The following BMPER variants were observed in gnomAD, a reference collection of about 807,000 sequenced individuals.
BMPER encodes the protein BMP-binding endothelial regulator protein.
In BMPER, 45 loss-of-function variants were observed where a neutral mutation model predicts 87.3. That is an observed-to-expected ratio of 0.52 (90% confidence interval 0.41 to 0.66). The LOEUF is 0.66. BMPER is among the 30% of genes least tolerant of loss of function. The pLI, the probability that BMPER is intolerant of heterozygous loss-of-function variation, is 0.00. For missense variants in BMPER, 784 were observed against 867.5 expected (o/e 0.90, Z 1.21); for synonymous variants, 326 against 316.2 (o/e 1.03, Z -0.33).
At chr7:34,000,838 G>A (rs1489199332) in intron 6 of BMPER, among the ~76,000 whole-genome samples, 2 of 151,992 alleles carry the variant, frequency 1.3e-5, no homozygotes, top group African/African-American at 2.4e-5. Context: ...TTTTGTAAAT[G>A]CCTTTATCAT....
chr7:34,114,558 A>G (rs1404255097), intron 13 of BMPER, among the ~76,000 whole-genome samples: 1 of 152,254 alleles, frequency 6.6e-6, no homozygotes, highest in Non-Finnish European at 1.5e-5. Flanking sequence ...TTTCATCACA[A>G]TTACAACTTA....
intron 13 of BMPER, among the ~76,000 whole-genome samples, chr7:34,122,715 G>C (rs945317841): frequency 6.6e-6 from 1 of 152,192 alleles, no homozygotes; most frequent in Non-Finnish European, 1.5e-5. Flanking sequence ...GTGAGTCAAA[G>C]GCTTTGAGAG....
intron 13 of BMPER, among the ~76,000 whole-genome samples, chr7:34,113,265 A>G (rs1018926710): frequency 3.9e-5 from 6 of 151,902 alleles, no homozygotes; most frequent in Admixed American, 3.3e-4. Flanking sequence ...GTATGCTGCA[A>G]TATTTTTCCC....
intron 3 of BMPER, among the ~76,000 whole-genome samples, chr7:33,961,106 G>A (rs1785260280): frequency 1.3e-5 from 2 of 152,178 alleles, no homozygotes; most frequent in African/African-American, 4.8e-5. Flanking sequence ...TAAGGGACCA[G>A]CATGTGCAAA....
chr7:34,080,635 T>C (rs544918216), intron 12 of BMPER, among the ~76,000 whole-genome samples: 1 of 152,320 alleles, frequency 6.6e-6, no homozygotes, highest in African/African-American at 2.4e-5. Flanking sequence ...GCAAAGTTTT[T>C]TGGCTCCCTG....
chr7:34,111,925 T>A (rs961613215), intron 13 of BMPER, among the ~76,000 whole-genome samples: 6 of 152,114 alleles, frequency 3.9e-5, no homozygotes, highest in African/African-American at 1.4e-4. Flanking sequence ...TTAGTCAGGC[T>A]GATCTCGAAC....
intron 9 of BMPER, among the ~76,000 whole-genome samples, chr7:34,056,576 GC>G (rs1788290547): frequency 6.7e-6 from 1 of 150,338 alleles, no homozygotes; most frequent in Non-Finnish European, 1.5e-5. Context: ...AGATGAAATA[GC>G]CTCACTCTCA....
intron 3 of BMPER, among the ~76,000 whole-genome samples, chr7:33,959,568 C>A (rs1785221552): frequency 6.6e-6 from 1 of 152,174 alleles, no homozygotes; most frequent in South Asian, 2.1e-4. Flanking sequence ...GCAATAGGCA[C>A]TCCCATATTT....
intron 11 of BMPER, among the ~76,000 whole-genome samples, chr7:34,071,480 C>G (rs1292558273): frequency 6.6e-6 from 1 of 152,184 alleles, no homozygotes; most frequent in East Asian, 1.9e-4. Flanking sequence ...ATAATATGCT[C>G]AATGACTGCC....
At position 34,026,717 on chromosome 7, in the gene BMPER, A is replaced by G. The variant is rs564547817; in HGVS notation, c.577-19589A>G. ...TTGATGACAGATGTGTTTTTAGAGA[A>G]AAAGTGCAAACTCCAGAGACATAAG... On this transcript the variant is annotated intron_variant, in intron 6 of 14. Transcript: ENST00000649409. 9.9e-5 allele frequency among the ~76,000 whole-genome samples: 15 copies of G among 152,228 alleles called. No homozygotes were observed. In the South Asian group the frequency reaches 2.7e-3, roughly 27 times the overall value.
chr7:33,953,725 C>G (rs1262163795), intron 3 of BMPER, among the ~76,000 whole-genome samples: 1 of 152,144 alleles, frequency 6.6e-6, no homozygotes, highest in Non-Finnish European at 1.5e-5. Context: ...GTTGAGCAAC[C>G]ATTACCACTA....
chr7:34,100,080 T>C (rs760393392), intron 13 of BMPER, among the ~76,000 whole-genome samples: 90 of 152,178 alleles, frequency 5.9e-4, no homozygotes, highest in Non-Finnish European at 1.0e-3. Context: ...AACTGTTATA[T>C]AAATATTTTT....
chr7:34,061,438 A>G (rs925613047), intron 10 of BMPER, among the ~76,000 whole-genome samples: 2 of 152,234 alleles, frequency 1.3e-5, no homozygotes, highest in Non-Finnish European at 2.9e-5. Flanking sequence ...AGTGCATAAC[A>G]GTGATTCAAC....
At chr7:33,923,282 T>C (rs1784279713) in intron 2 of BMPER, among the ~76,000 whole-genome samples, 1 of 152,174 alleles carries the variant, frequency 6.6e-6, no homozygotes, top group Admixed American at 6.5e-5. Flanking sequence ...CCTTTCCCTT[T>C]CTTTCTATTA....
intron 13 of BMPER, among the ~76,000 whole-genome samples, chr7:34,109,576 G>A (rs1366811488): frequency 6.6e-6 from 1 of 152,084 alleles, no homozygotes; most frequent in Non-Finnish European, 1.5e-5. Context: ...TACTTTCTCA[G>A]GTTTCTCTAC....
chr7:34,093,277 C>A (rs1789440054), intron 13 of BMPER, among the ~76,000 whole-genome samples: 1 of 152,204 alleles, frequency 6.6e-6, no homozygotes, highest in South Asian at 2.1e-4. Context: ...GCATTGCCAA[C>A]CAGCAATGCT....
chr7:34,070,485 T>C (rs1161956907), intron 11 of BMPER, among the ~76,000 whole-genome samples: 1 of 152,164 alleles, frequency 6.6e-6, no homozygotes, highest in South Asian at 2.1e-4. Flanking sequence ...CTCATCCTAT[T>C]GCTTGCATGT....
At position 34,086,080 on chromosome 7, in the gene BMPER, C is replaced by T; in HGVS notation, c.1733C>T (p.Ala578Val). 1 of 1,613,846 alleles carries T rather than the reference C, an allele frequency of 6.2e-7. No homozygotes were observed. The change falls in exon 13 of 15, where the codon GCC (alanine) becomes GTC (valine). Residue 578 changes from alanine (A) to valine (V), a missense_variant. Physicochemically the swap from Ala to Val is moderately conservative, Grantham distance 64. Coordinates refer to ENST00000649409, the MANE Select transcript of BMPER (RefSeq NM_001365308.1). The part of the protein sequence containing the change: ...FQTCHSTVDY[A>V]TFYRSCVTDM... ...ACCTGCCACTCGACTGTGGACTACG[C>T]CACTTTCTACCGGTAAGTACAGTGT...
chr7:34,153,011 C>G (rs1193816440), intron 14 of BMPER, 81 bp from the exon 15 acceptor site: 2 of 1,509,696 alleles, frequency 1.3e-6, no homozygotes, highest in Non-Finnish European at 9.2e-7. Context: ...GTGTCATGAG[C>G]CTGCAAGAAC....
Sources: allele counts gnomAD v4.1 joint callset (sites outside exome capture counted in the v4.1 genomes callset), GRCh38; gene constraint gnomAD v4.1.1; transcripts MANE v1.5; gene names NCBI Gene and HGNC (gene_info 2026-07-23, HGNC 2026-07-21).